Variants in PRKN observed in about 807,000 individuals in gnomAD.
PRKN encodes E3 ubiquitin-protein ligase parkin.
PRKN carries 56 observed loss-of-function variants against 59.5 expected under a neutral mutation model. That is an observed-to-expected ratio of 0.94 (90% CI 0.76 to 1.18). The LOEUF is 1.18. PRKN is among the 50% of genes most tolerant of loss of function. PRKN has a pLI of 0.00. For synonymous variants in PRKN, 250 were observed against 222.1 expected (o/e 1.13, Z -1.12); for missense variants, 657 against 596.4 (o/e 1.10, Z -1.06).
chr6:162,262,446 C>G (rs1224304108), intron 3 of PRKN, 79 bp downstream of exon 3: 1 of 1,551,556 alleles, frequency 6.4e-7, no homozygotes, highest in Non-Finnish European at 8.9e-7. Context: ...AAATATGCAC[C>G]CGGTGAGGCC....
intron 3 of PRKN, among the ~76,000 whole-genome samples, chr6:162,231,649 G>T (rs1382653206): frequency 6.6e-6 from 1 of 152,154 alleles, no homozygotes; most frequent in East Asian, 1.9e-4. Flanking sequence ...ACATAGCACG[G>T]TCCTAGGAAA....
At chr6:162,636,573 GT>G in intron 1 of PRKN, among the ~76,000 whole-genome samples, 1 of 152,320 alleles carries the variant, frequency 6.6e-6, no homozygotes, top group South Asian at 2.1e-4. Context: ...CACTAGAGAA[GT>G]TTTGTTTCTG....
intron 1 of PRKN, among the ~76,000 whole-genome samples, chr6:162,517,925 T>C (rs1234524443): frequency 6.6e-6 from 1 of 152,218 alleles, no homozygotes; most frequent in Non-Finnish European, 1.5e-5. Context: ...CTTTCCTCAA[T>C]TGTCATTTTA....
At chr6:162,520,943 A>C (rs1407616155) in intron 1 of PRKN, among the ~76,000 whole-genome samples, 2 of 152,214 alleles carry the variant, frequency 1.3e-5, no homozygotes, top group African/African-American at 4.8e-5. Context: ...TAACTTCTGA[A>C]TACCTAGAAA....
At chr6:162,365,000 A>G (rs1015739548) in intron 2 of PRKN, among the ~76,000 whole-genome samples, 2 of 145,042 alleles carry the variant, frequency 1.4e-5, no homozygotes, top group Non-Finnish European at 3.0e-5. Flanking sequence ...TTTTTTGCCA[A>G]TATGTAGTGT....
intron 2 of PRKN, among the ~76,000 whole-genome samples, chr6:162,429,491 A>T (rs1789407113): frequency 6.6e-6 from 1 of 151,944 alleles, no homozygotes; most frequent in Admixed American, 6.6e-5. Flanking sequence ...GCCTCCATTC[A>T]TTGGCCCTGG....
At chr6:161,558,852 G>C (rs1269017628) in intron 8 of PRKN, among the ~76,000 whole-genome samples, 1 of 151,542 alleles carries the variant, frequency 6.6e-6, no homozygotes, top group Non-Finnish European at 1.5e-5. Flanking sequence ...ATCTGTGACA[G>C]CCTAAGTGGT....
intron 4 of PRKN, among the ~76,000 whole-genome samples, chr6:162,058,304 C>A (rs1487617839): frequency 2.0e-5 from 3 of 152,134 alleles, no homozygotes; most frequent in African/African-American, 4.8e-5. Context: ...CATTCTGAAA[C>A]GAGTCAGGGG....
rs1790780972 is a variant in PRKN at position 161,471,318 on chromosome 6, T to C, written c.1083+77536A>G. The stretch of plus-strand genomic sequence containing the variant: ...TTGGGGTTATGGGGATGTTGTTTTA[T>C]TTCACTTACAGATATACACCTACGT... On this transcript the variant is annotated intron_variant, in intron 9 of 11. Coordinates refer to ENST00000366898, the MANE Select transcript of PRKN (RefSeq NM_004562.3). The surrounding 1 kb of genome is among the most constrained non-coding windows in gnomAD (Gnocchi z 4.5). Among the ~76,000 whole-genome samples the C allele has an allele frequency of 6.6e-6, 1 of 152,222 alleles. No homozygotes were observed.
intron 6 of PRKN, among the ~76,000 whole-genome samples, chr6:161,817,690 ATTTTATCGACATTTTGG>A (rs1199005456): frequency 6.6e-6 from 1 of 152,194 alleles, no homozygotes; most frequent in Non-Finnish European, 1.5e-5. Context: ...CATGTGGAAA[ATTTTATCGACATTTTGG>A]TTTTGGTTTA....
chr6:162,567,915 GACAC>G (rs998364792), intron 1 of PRKN, among the ~76,000 whole-genome samples: 3 of 152,140 alleles, frequency 2.0e-5, no homozygotes, highest in African/African-American at 7.2e-5. Flanking sequence ...CATAAAAACA[GACAC>G]ACAGAGCAAT....
chr6:162,545,066 C>T (rs956219990), intron 1 of PRKN, among the ~76,000 whole-genome samples: 2 of 150,198 alleles, frequency 1.3e-5, no homozygotes, highest in African/African-American at 2.4e-5. Flanking sequence ...GTGGACGAAT[C>T]GTGAGGTCAG....
intron 1 of PRKN, among the ~76,000 whole-genome samples, chr6:162,579,008 T>C (rs1780672446): frequency 6.6e-6 from 1 of 152,214 alleles, no homozygotes; most frequent in South Asian, 2.1e-4. Flanking sequence ...TTTACCCACA[T>C]ATGTTTCTTT....
intron 1 of PRKN, among the ~76,000 whole-genome samples, chr6:162,570,593 A>G (rs1280656364): frequency 6.6e-6 from 1 of 152,254 alleles, no homozygotes; most frequent in Non-Finnish European, 1.5e-5. Flanking sequence ...TGAATAATGC[A>G]TAAGGAAAAC....
chr6:161,867,744 T>TATTTATTTATTTATTTATTC lies in PRKN; in HGVS notation c.735-81837_735-81836insGAATAAATAAATAAATAAAT, dbSNP rs1386738490. On this transcript the variant is annotated intron_variant, in intron 6 of 11. Coordinates refer to ENST00000366898, the MANE Select transcript of PRKN (RefSeq NM_004562.3). ...GCAATCATGGGAAAAATCTTTCATT[T>TATTTATTTATTTATTTATTC]ATTTATTTATTTATTTATTTATTTA... 5.1e-4 allele frequency among the ~76,000 whole-genome samples: 66 copies of TATTTATTTATTTATTTATTC among 129,066 alleles called. 1 individual carries two copies. The highest frequency in any genetic ancestry group is 2.1e-3 in the African/African-American group (65 of 31,076). The allele number at this position is 129,066 out of a possible 152,430, so 84.7% of individuals were successfully genotyped here.
chr6:161,473,700 A>C lies in PRKN; in HGVS notation c.1083+75154T>G, dbSNP rs1021736543. Among the ~76,000 whole-genome samples the C allele has an allele frequency of 2.2e-4, 34 of 152,278 alleles. No individual in the cohort carries two copies. The highest frequency in any genetic ancestry group is 4.4e-4 in the Non-Finnish European group (30 of 68,030). On this transcript the variant is annotated intron_variant, in intron 9 of 11. Coordinates refer to ENST00000366898, the MANE Select transcript of PRKN (RefSeq NM_004562.3). The surrounding 1 kb of genome is among the most constrained non-coding windows in gnomAD (Gnocchi z 4.1). ...ATATTGTATAATGAAAATTTGCAAA[A>C]AAGTAGATTTTAGGTGCTATTACTG...
At chr6:162,542,704 T>C (rs1160552722) in intron 1 of PRKN, among the ~76,000 whole-genome samples, 4 of 152,152 alleles carry the variant, frequency 2.6e-5, no homozygotes, top group African/African-American at 9.7e-5. Context: ...AGAAAATAAG[T>C]GCAATGCATG....
At position 161,385,141 on chromosome 6, in the gene PRKN, G is replaced by A. The variant is rs963037437; in HGVS notation, c.1167+1653C>T. On this transcript the variant is annotated intron_variant, in intron 10 of 11. Coordinates refer to ENST00000366898, the MANE Select transcript of PRKN (RefSeq NM_004562.3). This position sits in a 1 kb window ranked among gnomAD's most constrained non-coding sequence, Gnocchi z 4.9. ...GACGGGGTTTCACCATGTTGGCCAG[G>A]CTGATCTCAATCTCTTGACCTCATG... Among the ~76,000 whole-genome samples, 29 of 152,102 alleles carry A rather than the reference G, an allele frequency of 1.9e-4. No homozygotes were observed. The highest frequency in any genetic ancestry group is 7.0e-4 in the African/African-American group (29 of 41,418).
chr6:161,858,857 A>ATTTT, intron 6 of PRKN, among the ~76,000 whole-genome samples: 1 of 55,960 alleles, frequency 1.8e-5, no homozygotes, highest in Non-Finnish European at 4.0e-5. Context: ...GCACAGCTGT[A>ATTTT]CTTTTTTTTT....
Sources: gnomAD v4.1 joint callset for allele counts (sites outside exome capture counted in the v4.1 genomes callset) on GRCh38, gnomAD v4.1.1 for gene constraint, Gnocchi (gnomAD v3.1) non-coding constraint, MANE v1.5 for transcripts, NCBI Gene and HGNC (gene_info 2026-07-23, HGNC 2026-07-21) for gene names.